HIVEP1: variants seen among roughly 807,000 people sequenced by gnomAD.
HIVEP1 encodes the protein HIVEP zinc finger 1, also known as zinc finger protein 40.
In HIVEP1, 36 loss-of-function variants were observed where a neutral mutation model predicts 180.0. That is an observed-to-expected ratio of 0.20 (90% confidence interval 0.15 to 0.26). HIVEP1 has a LOEUF of 0.26. Ranked by LOEUF, HIVEP1 falls within the 10% of genes least tolerant of loss-of-function variation. HIVEP1 has a pLI of 1.00. For synonymous variants in HIVEP1, 1,239 were observed against 1,239.0 expected (o/e 1.00, Z 0.00); for missense variants, 3,143 against 3,268.7 (o/e 0.96, Z 0.94).
chr6:12,094,567 A>G (rs891131770), intron 3 of HIVEP1, among the ~76,000 whole-genome samples: 7 of 151,978 alleles, frequency 4.6e-5, no homozygotes, highest in African/African-American at 1.7e-4. Context: ...TTTTGTTTCT[A>G]TGTAAAGATG....
intron 2 of HIVEP1, among the ~76,000 whole-genome samples, chr6:12,083,828 T>A (rs953991942): frequency 6.6e-6 from 1 of 152,138 alleles, no homozygotes; most frequent in African/African-American, 2.4e-5. Flanking sequence ...TGTGAAAAAT[T>A]ATAATATGTT....
chr6:12,125,580 C>A lies in HIVEP1; in HGVS notation c.5785C>A (p.Gln1929Lys). 2.5e-6 allele frequency: 4 copies of A among 1,614,204 alleles called. No homozygotes were observed. Among genetic ancestry groups the A allele is most frequent in the Middle Eastern group, 1.6e-4 (1 of 6,062 alleles). ...SLSLFNIKDT[Q>K]QLAFPSLKTT... is the part of the protein sequence containing the mutation. Reference sequence around the variant, plus strand: ...TTCATTGTTTAACATCAAGGACACCCAGCAGCTGGCTTTCCCTAGCCTGAA... The same window carrying A: ...TTCATTGTTTAACATCAAGGACACCAAGCAGCTGGCTTTCCCTAGCCTGAA... Residue 1929 changes from glutamine (Q) to lysine (K), a missense_variant, in exon 4 of 9, where the codon CAG (glutamine) becomes AAG (lysine). Physicochemically the swap from Gln to Lys is moderately conservative, Grantham distance 53. Coordinates refer to ENST00000379388, the MANE Select transcript of HIVEP1 (RefSeq NM_002114.4).
intron 2 of HIVEP1, among the ~76,000 whole-genome samples, chr6:12,041,366 G>T (rs1769693076): frequency 7.0e-6 from 1 of 142,396 alleles, no homozygotes; most frequent in African/African-American, 2.6e-5. Context: ...AGCTTGTAGT[G>T]AGCCGAGATC....
At chr6:12,093,580 A>G (rs933336472) in intron 3 of HIVEP1, among the ~76,000 whole-genome samples, 1 of 151,792 alleles carries the variant, frequency 6.6e-6, no homozygotes, top group African/African-American at 2.4e-5. Context: ...AGTGTAAGTT[A>G]GGATTCAAGT....
At chr6:12,048,023 G>C (rs9296244) in intron 2 of HIVEP1, among the ~76,000 whole-genome samples, 93,754 of 152,110 alleles carry the variant, frequency 0.62, 29,322 homozygotes, top group East Asian at 0.81. Flanking sequence ...AGGCTCAACT[G>C]TTGCTGTTCC....
At chr6:12,204,466 G>A in the HIVEP1 span, among the ~76,000 whole-genome samples, 1 of 144,372 alleles carries the variant, frequency 6.9e-6, no homozygotes, top group Admixed American at 6.9e-5. Context: ...CAAGCCTGGT[G>A]CATGGTGAAT....
At position 12,163,694 on chromosome 6, in the gene HIVEP1, G is replaced by T; in HGVS notation, c.7390G>T (p.Val2464Leu). The T allele has an allele frequency of 6.2e-7, 1 of 1,614,130 alleles. No homozygotes were observed. The highest frequency in any genetic ancestry group is 1.1e-5 in the South Asian group (1 of 91,074). ...TGGAGTGGCTGAATTAAGCAGTGTT[G>T]TGCCATGTATTCCTATCGGCCAAAT... Reference protein sequence around the residue: ...PAGVAELSSVVPCIPIGQIRV... With the variant: ...PAGVAELSSVLPCIPIGQIRV... Residue 2464 changes from valine (V) to leucine (L), a missense_variant, in exon 9 of 9, where the codon GTG becomes TTG. Physicochemically the swap from Val to Leu is conservative, Grantham distance 32. Coordinates refer to ENST00000379388, the MANE Select transcript of HIVEP1 (RefSeq NM_002114.4).
intron 7 of HIVEP1, among the ~76,000 whole-genome samples, chr6:12,145,565 C>T (rs1006765310): frequency 6.0e-5 from 9 of 150,156 alleles, no homozygotes; most frequent in Non-Finnish European, 1.3e-4. Context: ...GTGAGACTTA[C>T]GCCACCCTGC....
At chr6:12,166,786 C>A (rs1035164762), downstream of HIVEP1, among the ~76,000 whole-genome samples, 6 of 151,966 alleles carry the variant, frequency 3.9e-5, no homozygotes, top group Non-Finnish European at 8.8e-5. Context: ...GTGTGGAGAC[C>A]CAGGCCTGTA....
At chr6:12,012,156 C>A (rs1165747285), upstream of HIVEP1, 1 of 144,816 alleles carries the variant, frequency 6.9e-6, no homozygotes, top group Middle Eastern at 3.6e-3. Context: ...TGCCCGGCTC[C>A]CTGGCGGCCG....
chr6:12,074,751 T>TA (rs576523476), intron 2 of HIVEP1, among the ~76,000 whole-genome samples: 6 of 145,706 alleles, frequency 4.1e-5, no homozygotes, highest in Middle Eastern at 3.8e-3. Context: ...TTTAAAAAAT[T>TA]ATCACTTTTT....
chr6:12,108,268 G>A (rs1013914395), intron 3 of HIVEP1, among the ~76,000 whole-genome samples: 1 of 152,250 alleles, frequency 6.6e-6, no homozygotes, highest in African/African-American at 2.4e-5. Flanking sequence ...TACAATCCCT[G>A]AGCTAGACAT....
In HIVEP1 at chr6:12,030,197, T is replaced by G. The variant is rs113910768; in HGVS notation, c.40+14529T>G. 4.7e-4 allele frequency among the ~76,000 whole-genome samples: 71 copies of G among 152,324 alleles called. 1 individual carries two copies. Among genetic ancestry groups the G allele is most frequent in the African/African-American group, 1.6e-3 (67 of 41,568 alleles). On this transcript the variant is annotated intron_variant, in intron 2 of 8. Coordinates refer to ENST00000379388, the MANE Select transcript of HIVEP1 (RefSeq NM_002114.4). ...TTGTTTTCTTTGCAAGATGAATTGT[T>G]TCTTTCATGGTTCTTTCCATTTGTT...
At chr6:12,095,040 G>A (rs1398504239) in intron 3 of HIVEP1, among the ~76,000 whole-genome samples, 1 of 151,956 alleles carries the variant, frequency 6.6e-6, no homozygotes, top group East Asian at 1.9e-4. Flanking sequence ...AGTCACATCT[G>A]TTGGCAAAAA....
Position 12,122,238 on chromosome 6 carries a change from A to G in HIVEP1, c.2443A>G (p.Thr815Ala). 2.5e-6 allele frequency: 4 copies of G among 1,614,146 alleles called. No homozygotes were observed. Among genetic ancestry groups the G allele is most frequent in the Non-Finnish European group, 3.4e-6 (4 of 1,180,018 alleles). ...CTCTGATATACCGAAGTCACCTTTCACCCCTACTGAAAAATCAAAGCAAGT... is the reference window on the plus strand; with the variant it reads ...CTCTGATATACCGAAGTCACCTTTCGCCCCTACTGAAAAATCAAAGCAAGT... ...SSSDIPKSPF[T>A]PTEKSKQVFL... Residue 815 changes from threonine to alanine, a missense_variant, in exon 4 of 9, where the codon ACC becomes GCC. By Grantham distance (58) the Thr-to-Ala change is moderately conservative. This residue lies in a region of HIVEP1 where 204 missense variants were observed against 243.7 expected (regional missense o/e 0.84). Transcript: ENST00000379388.
At chr6:12,177,786 G>C in the HIVEP1 span, among the ~76,000 whole-genome samples, 1 of 152,044 alleles carries the variant, frequency 6.6e-6, no homozygotes. Flanking sequence ...ATTTGTTTTT[G>C]TTATTTGTTA....
the HIVEP1 span, among the ~76,000 whole-genome samples, chr6:12,172,803 T>C: frequency 5.3e-5 from 8 of 150,572 alleles, no homozygotes; most frequent in South Asian, 4.2e-4. Context: ...TTTTTTTTTT[T>C]CTACTGTTCC....
intron 3 of HIVEP1, among the ~76,000 whole-genome samples, chr6:12,110,862 C>T (rs1774843798): frequency 6.6e-6 from 1 of 152,240 alleles, no homozygotes; most frequent in African/African-American, 2.4e-5. Flanking sequence ...CTTCAGTAAG[C>T]TTAATCATTT....
rs76688164 is a variant in HIVEP1 at position 12,159,103 on chromosome 6, T to G, written c.6488-2336T>G. ...CTGCCCTCGGTGACACAAGCTTGTG[T>G]CTCCTTAGATTTTGGGCTGTTGATT... On this transcript the variant is annotated intron_variant, in intron 7 of 8. Transcript: ENST00000379388. Among the ~76,000 whole-genome samples, 1,167 of 152,262 alleles carry G rather than the reference T, an allele frequency of 7.7e-3. 16 individuals are homozygous for G. Among genetic ancestry groups the G allele is most frequent in the African/African-American group, 0.027 (1,106 of 41,552 alleles).
Sources: gnomAD v4.1 joint callset for allele counts (sites outside exome capture counted in the v4.1 genomes callset) on GRCh38, gnomAD v4.1.1 for gene constraint, gnomAD v4.1.1 regional missense constraint, MANE v1.5 for transcripts, NCBI Gene and HGNC (gene_info 2026-07-23, HGNC 2026-07-21) for gene names.